SLC35F2: variants seen among roughly 807,000 people sequenced by gnomAD.
The protein encoded by SLC35F2 is solute carrier family 35 member F2, also known as queuine/queuosine transporter SLC35F2.
Under a neutral mutation model 38.1 loss-of-function variants are expected in SLC35F2, and 25 were observed. That is an observed-to-expected ratio of 0.66 (90% CI 0.48 to 0.92). SLC35F2 has a LOEUF of 0.92. SLC35F2 is among the 40% of genes least tolerant of loss of function. The pLI is 0.00. For missense variants in SLC35F2, 409 were observed against 452.9 expected, an observed-to-expected ratio of 0.90 and a Z score of 0.88; for synonymous variants, 173 against 181.7, an observed-to-expected ratio of 0.95 and a Z score of 0.38.
chr11:107,856,413 G>A (rs1475986009), intron 1 of SLC35F2, among the ~76,000 whole-genome samples: 1 of 152,160 alleles, frequency 6.6e-6, no homozygotes. Flanking sequence ...CTGGAGCACA[G>A]GCTGGGCGCG....
At position 107,825,632 on chromosome 11, in the gene SLC35F2, G is replaced by C. The variant is rs185435341; in HGVS notation, c.111-9667C>G. On this transcript the variant is annotated intron_variant, in intron 1 of 7. Coordinates refer to ENST00000525815, the MANE Select transcript of SLC35F2 (RefSeq NM_017515.5). ...GATCCGCCCACCTCGGCCCCCCAAA[G>C]TTGTTGGGATTACAGTCGTGAGCCA... Among the ~76,000 whole-genome samples the C allele has an allele frequency of 1.8e-3, 280 of 152,068 alleles. 1 individual carries two copies. The highest frequency in any genetic ancestry group is 6.4e-3 in the African/African-American group (267 of 41,508).
intron 7 of SLC35F2, among the ~76,000 whole-genome samples, chr11:107,794,333 C>T (rs1400986562): frequency 1.3e-5 from 2 of 152,116 alleles, no homozygotes; most frequent in Non-Finnish European, 2.9e-5. Context: ...CTCGCCTTGG[C>T]CTCCCAAAGT....
intron 1 of SLC35F2, among the ~76,000 whole-genome samples, chr11:107,848,980 T>G (rs1860136306): frequency 6.6e-6 from 1 of 152,222 alleles, no homozygotes; most frequent in Non-Finnish European, 1.5e-5. Context: ...AAACTAGTCA[T>G]ATCACATGAG....
chr11:107,806,234 T>C (rs1283873738), intron 4 of SLC35F2, among the ~76,000 whole-genome samples: 1 of 152,236 alleles, frequency 6.6e-6, no homozygotes, highest in Non-Finnish European at 1.5e-5. Context: ...TTCCATGACA[T>C]GACAAATTAA....
chr11:107,826,464 G>C (rs1332986189), intron 1 of SLC35F2, among the ~76,000 whole-genome samples: 1 of 151,976 alleles, frequency 6.6e-6, no homozygotes, highest in Non-Finnish European at 1.5e-5. Context: ...GGCTGGTCTC[G>C]AACTCCTGAC....
chr11:107,804,757 A>G lies in SLC35F2; in HGVS notation c.745T>C (p.Tyr249His), dbSNP rs1565429039. 1.9e-6 allele frequency: 3 copies of G among 1,606,922 alleles called. No individual in the cohort carries two copies. The highest frequency in any genetic ancestry group is 2.2e-5 in the East Asian group (1 of 44,546). ...CAATGAATGCTGGCAATATCCTTAT[A>G]TTCCACAATCAATCTAAGATTAAAA... The part of the protein sequence containing the change: ...ISGIQLLIVE[Y>H]KDIASIHWDW... Residue 249 changes from tyrosine to histidine, a missense_variant, in exon 6 of 8, where the codon TAT (tyrosine) becomes CAT (histidine). Coordinates refer to ENST00000525815, the MANE Select transcript of SLC35F2 (RefSeq NM_017515.5).
At position 107,829,137 on chromosome 11, in the gene SLC35F2, GAAAA is replaced by G. The variant is rs145609131; in HGVS notation, c.111-13176_111-13173del. On this transcript the variant is annotated intron_variant, in intron 1 of 7. Coordinates refer to ENST00000525815, the MANE Select transcript of SLC35F2 (RefSeq NM_017515.5). Reference sequence around the variant, plus strand: ...GGAGGTCAGTAGGAAAAAAAAAAAAGAAAAAAAAAAAAAGCTCACACCTGTAATC... The same window carrying G: ...GGAGGTCAGTAGGAAAAAAAAAAAAGAAAAAAAAAGCTCACACCTGTAATC... 3.1e-5 allele frequency among the ~76,000 whole-genome samples: 4 copies of G among 128,676 alleles called. No homozygotes were observed. In the Admixed American group the frequency reaches 3.2e-4, roughly 10 times the overall value. 84.4% of individuals were successfully genotyped at this position (128,676 alleles called of 152,430 possible).
At chr11:107,795,372 G>A (rs1591182646) in intron 7 of SLC35F2, among the ~76,000 whole-genome samples, 1 of 152,118 alleles carries the variant, frequency 6.6e-6, no homozygotes, top group South Asian at 2.1e-4. Flanking sequence ...GCTACTAGAA[G>A]AAAACACAGG....
chr11:107,820,433 G>A (rs1442641703), intron 1 of SLC35F2, among the ~76,000 whole-genome samples: 1 of 152,040 alleles, frequency 6.6e-6, no homozygotes, highest in African/African-American at 2.4e-5. Flanking sequence ...GAAGAGAGTA[G>A]TGTTTTGCCT....
At chr11:107,809,633 GAAA>G in intron 3 of SLC35F2, 2 of 769,212 alleles carry the variant, frequency 2.6e-6, no homozygotes, top group Non-Finnish European at 3.1e-6. Flanking sequence ...CTCCTTCTCA[GAAA>G]AAAAAAAAGT....
chr11:107,847,746 G>A (rs925649533), intron 1 of SLC35F2, among the ~76,000 whole-genome samples: 1 of 152,194 alleles, frequency 6.6e-6, no homozygotes, highest in Non-Finnish European at 1.5e-5. Context: ...GATTTCCTAA[G>A]TTGGTGCTAA....
chr11:107,858,566 G>T, intron 1 of SLC35F2, 92 bp downstream of exon 1: 3 of 1,124,328 alleles, frequency 2.7e-6, no homozygotes, highest in Non-Finnish European at 3.4e-6. Flanking sequence ...CCTGCTGGGG[G>T]CCTCAGAGAG....
chr11:107,826,543 CAAAACAA>C lies in SLC35F2; in HGVS notation c.111-10585_111-10579del, dbSNP rs1443694975. Among the ~76,000 whole-genome samples the C allele has an allele frequency of 2.0e-5, 3 of 151,970 alleles. No individual in the cohort carries two copies. The East Asian group carries it at 5.8e-4, about 29-fold the overall frequency. On this transcript the variant is annotated intron_variant, in intron 1 of 7. Transcript: ENST00000525815. ...ACAGACATCAGCCACTGCATCCAGC[CAAAACAA>C]AACTTTTTAAAAGTTGTGTATAGGG...
At chr11:107,799,783 T>C (rs1432942777) in intron 7 of SLC35F2, among the ~76,000 whole-genome samples, 1 of 152,144 alleles carries the variant, frequency 6.6e-6, no homozygotes, top group Non-Finnish European at 1.5e-5. Flanking sequence ...TTGGCCAGGA[T>C]GGTCTCGATC....
At position 107,822,302 on chromosome 11, in the gene SLC35F2, T is replaced by C. The variant is rs1003748222; in HGVS notation, c.111-6337A>G. On this transcript the variant is annotated intron_variant, in intron 1 of 7. Transcript: ENST00000525815. ...ACTTTACTTCACTCCTTCTTTCTTC[T>C]AGGAAACTTAAAATGTATATCGTAA... is the stretch of plus-strand genomic sequence containing the variant. 1.1e-4 allele frequency among the ~76,000 whole-genome samples: 17 copies of C among 152,342 alleles called. 1 individual carries two copies. Among genetic ancestry groups the C allele is most frequent in the South Asian group, 4.1e-4 (2 of 4,828 alleles).
intron 1 of SLC35F2, among the ~76,000 whole-genome samples, chr11:107,848,156 T>C (rs1407077187): frequency 6.6e-6 from 1 of 151,970 alleles, no homozygotes; most frequent in Non-Finnish European, 1.5e-5. Context: ...ATGTACTTAA[T>C]CCCCCTGAAT....
chr11:107,803,569 T>G, intron 6 of SLC35F2: 3 of 874,984 alleles, frequency 3.4e-6, no homozygotes, highest in Non-Finnish European at 4.1e-6. Context: ...TGGACATGAT[T>G]TGTATAATTG....
At chr11:107,847,760 T>C (rs10789638) in intron 1 of SLC35F2, among the ~76,000 whole-genome samples, 65,816 of 151,920 alleles carry the variant, frequency 0.43, 14,354 homozygotes, top group Admixed American at 0.53. Context: ...GTGCTAACAG[T>C]GAAAGCAATC....
At chr11:107,810,259 A>G in intron 3 of SLC35F2, 6 of 985,396 alleles carry the variant, frequency 6.1e-6, no homozygotes, top group Non-Finnish European at 7.2e-6. Flanking sequence ...AGGTTTTTCT[A>G]AGAGGCTAGC....
Sources: gnomAD v4.1 joint callset for allele counts (sites outside exome capture counted in the v4.1 genomes callset) on GRCh38, gnomAD v4.1.1 for gene constraint, MANE v1.5 for transcripts, NCBI Gene and HGNC (gene_info 2026-07-23, HGNC 2026-07-21) for gene names.